DNAH11: variants seen among roughly 807,000 people sequenced by gnomAD.
DNAH11 encodes the protein axonemal beta dynein heavy chain 11.
Under a neutral mutation model 526.0 loss-of-function variants are expected in DNAH11, and 442 were observed. The ratio of observed to expected loss-of-function variants is 0.84; its 90% CI spans 0.78 to 0.91. The LOEUF is 0.91. DNAH11 is among the 40% of genes least tolerant of loss of function. DNAH11 has a pLI of 0.00. For missense variants in DNAH11, 6,989 were observed against 5,448.7 expected (o/e 1.28, Z -8.90); for synonymous variants, 2,461 against 1,935.9 (o/e 1.27, Z -7.12).
At chr7:21,654,487 T>C (rs1781925675) in intron 28 of DNAH11, among the ~76,000 whole-genome samples, 1 of 152,214 alleles carries the variant, frequency 6.6e-6, no homozygotes, top group Non-Finnish European at 1.5e-5. Flanking sequence ...CATTCATCAT[T>C]TGATGGACAT....
chr7:21,762,590 G>T (rs1187817087), intron 54 of DNAH11, among the ~76,000 whole-genome samples: 1 of 152,112 alleles, frequency 6.6e-6, no homozygotes, highest in Non-Finnish European at 1.5e-5. Flanking sequence ...TTTAACTAAG[G>T]CTTGTTAAGT....
chr7:21,603,702 A>G (rs1461072025), intron 18 of DNAH11, among the ~76,000 whole-genome samples: 2 of 152,212 alleles, frequency 1.3e-5, no homozygotes, highest in South Asian at 2.1e-4. Flanking sequence ...CATACATAAC[A>G]AGATGAAGAG....
chr7:21,871,451 G>A (rs1783492025), intron 73 of DNAH11, among the ~76,000 whole-genome samples: 1 of 152,210 alleles, frequency 6.6e-6, no homozygotes, highest in Non-Finnish European at 1.5e-5. Flanking sequence ...ACGATGGCTT[G>A]CTTAGAGGTT....
Position 21,872,123 on chromosome 7 carries a change from C to CAAAAAAAAAAAAAAAAAAAA in DNAH11, c.11968-1144_11968-1125dup, listed in dbSNP as rs776718319. 1.1e-3 allele frequency among the ~76,000 whole-genome samples: 35 copies of CAAAAAAAAAAAAAAAAAAAA among 30,830 alleles called. 9 individuals are homozygous for CAAAAAAAAAAAAAAAAAAAA. Among genetic ancestry groups the CAAAAAAAAAAAAAAAAAAAA allele is most frequent in the Non-Finnish European group, 1.4e-3 (26 of 17,974 alleles). 20.2% of individuals were successfully genotyped at this position (30,830 alleles called of 152,430 possible). On this transcript the variant is annotated intron_variant, in intron 73 of 81. Transcript: ENST00000409508. ...TGGGTGACAGAGCGAGACTCTGTCTCAAAAAAAAAAAAAAAAAAAAAAAAA... is the reference window on the plus strand; with the variant it reads ...TGGGTGACAGAGCGAGACTCTGTCTCAAAAAAAAAAAAAAAAAAAAAAAAAAAAAAAAAAAAAAAAAAAAA...
chr7:21,730,850 A>G (rs1297439778), intron 45 of DNAH11, among the ~76,000 whole-genome samples: 8 of 152,326 alleles, frequency 5.3e-5, no homozygotes, highest in Admixed American at 3.9e-4. Flanking sequence ...CCCATAAAAA[A>G]TAAGCACATG....
rs752147670 is a variant in DNAH11 at position 21,868,015 on chromosome 7, G to C, written c.11839+8G>C. 175 of 1,511,318 alleles carry C rather than the reference G, an allele frequency of 1.2e-4. 1 individual carries two copies. The highest frequency in any genetic ancestry group is 1.5e-4 in the Non-Finnish European group (170 of 1,124,584). 93.6% of individuals were successfully genotyped at this position (1,511,318 alleles called of 1,614,324 possible). A position where few individuals can be genotyped will look rare whatever the true frequency, so the allele number is the denominator to read the frequency against. The stretch of plus-strand genomic sequence containing the variant: ...AAGACCTGGAGATTCTTGGTGAGTG[G>C]CTGGGAGGCTCGCTGGCCCGCCCCT... On this transcript the variant is annotated splice_region_variant and intron_variant, in intron 72 of 81. Transcript: ENST00000409508.
At chr7:21,680,313 C>T (rs1449211639) in intron 30 of DNAH11, among the ~76,000 whole-genome samples, 2 of 152,186 alleles carry the variant, frequency 1.3e-5, no homozygotes, top group Non-Finnish European at 2.9e-5. Context: ...TTGTCATTGA[C>T]TGTCCTTTTG....
intron 55 of DNAH11, among the ~76,000 whole-genome samples, chr7:21,769,812 G>A (rs956958811): frequency 5.3e-5 from 8 of 151,976 alleles, no homozygotes; most frequent in African/African-American, 1.7e-4. Flanking sequence ...CACTCCTCCT[G>A]AGTCTTCAGT....
chr7:21,806,970 A>G (rs1403038864), intron 62 of DNAH11, among the ~76,000 whole-genome samples: 1 of 152,194 alleles, frequency 6.6e-6, no homozygotes, highest in Admixed American at 6.5e-5. Flanking sequence ...TAATGATTAT[A>G]TTAGAAAACT....
At chr7:21,869,895 G>T (rs17145784) in intron 73 of DNAH11, among the ~76,000 whole-genome samples, 3,198 of 152,258 alleles carry the variant, frequency 0.021, 44 homozygotes, top group Non-Finnish European at 0.034. Flanking sequence ...ACAAGAACCA[G>T]TGGAGCACAG....
chr7:21,579,012 C>T (rs934473164), intron 8 of DNAH11, among the ~76,000 whole-genome samples: 5 of 152,154 alleles, frequency 3.3e-5, no homozygotes, highest in African/African-American at 4.8e-5. Flanking sequence ...TTCAGCTATG[C>T]CTTGAAAGTA....
intron 55 of DNAH11, among the ~76,000 whole-genome samples, 177 bp downstream of exon 55, chr7:21,765,766 G>A (rs1338436706): frequency 6.6e-6 from 1 of 152,082 alleles, no homozygotes; most frequent in Non-Finnish European, 1.5e-5. Flanking sequence ...ACATTCTAAG[G>A]AATATGATGG....
intron 68 of DNAH11, among the ~76,000 whole-genome samples, chr7:21,856,345 A>T (rs1009026898): frequency 6.6e-6 from 1 of 152,226 alleles, no homozygotes; most frequent in South Asian, 2.1e-4. Context: ...GCAATAATAA[A>T]GAGGAAAGGA....
At chr7:21,637,824 T>G in intron 27 of DNAH11, 122 bp downstream of exon 27, 1 of 559,984 alleles carries the variant, frequency 1.8e-6, no homozygotes, top group Non-Finnish European at 2.9e-6. Flanking sequence ...ATTTTGTAAT[T>G]TTGCTTATAA....
chr7:21,802,724 C>T (rs10226244), intron 62 of DNAH11, among the ~76,000 whole-genome samples: 57,414 of 151,712 alleles, frequency 0.38, 11,640 homozygotes, highest in East Asian at 0.81. Context: ...CCACATATCA[C>T]ATGGTATGTG....
chr7:21,821,862 G>A (rs957816416), intron 65 of DNAH11, among the ~76,000 whole-genome samples: 8 of 151,686 alleles, frequency 5.3e-5, no homozygotes, highest in East Asian at 1.9e-4. Flanking sequence ...CACCTCCCCC[G>A]CCAGCTTCTC....
At chr7:21,777,553 G>C (rs1562539712) in intron 56 of DNAH11, among the ~76,000 whole-genome samples, 1 of 152,146 alleles carries the variant, frequency 6.6e-6, no homozygotes, top group Non-Finnish European at 1.5e-5. Flanking sequence ...GAGAGAGCCA[G>C]TTTCTCAGCT....
At chr7:21,797,900 TTACCA>T (rs1286677704) in intron 61 of DNAH11, among the ~76,000 whole-genome samples, 1 of 152,228 alleles carries the variant, frequency 6.6e-6, no homozygotes, top group East Asian at 1.9e-4. Context: ...CCAAGCTAAC[TTACCA>T]TGTGCTTGCT....
At chr7:21,854,476 A>T in intron 68 of DNAH11, 21 bp downstream of exon 68, 1 of 1,606,754 alleles carries the variant, frequency 6.2e-7, no homozygotes, top group South Asian at 1.1e-5. Flanking sequence ...ATGAGCTAAG[A>T]AATATGGGAA....
Sources: gnomAD v4.1 joint callset for allele counts (sites outside exome capture counted in the v4.1 genomes callset) on GRCh38, gnomAD v4.1.1 for gene constraint, MANE v1.5 for transcripts, NCBI Gene and HGNC (gene_info 2026-07-23, HGNC 2026-07-21) for gene names.